Variants in RALGAPA2 observed in about 807,000 individuals in gnomAD.
The protein encoded by RALGAPA2 is ral GTPase-activating protein subunit alpha-2.
Under a neutral mutation model 230.4 loss-of-function variants are expected in RALGAPA2, and 139 were observed. The observed-to-expected ratio is 0.60, with a 90% CI of 0.53 to 0.69. The LOEUF (loss-of-function observed/expected upper bound fraction) is 0.69. RALGAPA2 is among the 30% of genes least tolerant of loss of function. The pLI is 0.00. For missense variants in RALGAPA2, 2,163 were observed against 2,276.0 expected (o/e 0.95, Z 1.01); for synonymous variants, 847 against 837.8 (o/e 1.01, Z -0.19).
intron 30 of RALGAPA2, among the ~76,000 whole-genome samples, chr20:20,521,412 T>A (rs6137053): frequency 0.011 from 1,670 of 152,006 alleles, 24 homozygotes; most frequent in African/African-American, 0.038. Flanking sequence ...GGAACTAATC[T>A]GGGGATGAAG....
chr20:20,404,479 G>A (rs2059907965), intron 38 of RALGAPA2, among the ~76,000 whole-genome samples: 1 of 152,164 alleles, frequency 6.6e-6, no homozygotes, highest in African/African-American at 2.4e-5. Flanking sequence ...CAAAACCACT[G>A]AGTCTTCTAG....
intron 23 of RALGAPA2, among the ~76,000 whole-genome samples, chr20:20,557,653 G>A (rs1325844988): frequency 6.6e-6 from 1 of 152,112 alleles, no homozygotes; most frequent in Non-Finnish European, 1.5e-5. Flanking sequence ...TTGGAATCTA[G>A]GTTAGGCCCC....
In RALGAPA2 at chr20:20,447,762, TC is replaced by T. The variant is rs916599598; in HGVS notation, c.5495+25066del. Among the ~76,000 whole-genome samples, 81 of 152,250 alleles carry T rather than the reference TC, an allele frequency of 5.3e-4. 1 individual carries two copies. Among genetic ancestry groups the T allele is most frequent in the African/African-American group, 1.9e-3 (79 of 41,544 alleles). The stretch of plus-strand genomic sequence containing the variant: ...TTTTTTGTCATCATGAAGCTCTTTT[TC>T]TGGGCACCTGTAGAGAGGATGAGGT... On this transcript the variant is annotated intron_variant, in intron 37 of 39. Transcript: ENST00000202677.
chr20:20,431,531 C>T (rs1488235194), intron 37 of RALGAPA2, among the ~76,000 whole-genome samples: 3 of 152,098 alleles, frequency 2.0e-5, no homozygotes, highest in Non-Finnish European at 4.4e-5. Flanking sequence ...ATGCACCAGG[C>T]TTTATATAAT....
chr20:20,689,047 T>C (rs1393285372), intron 1 of RALGAPA2, among the ~76,000 whole-genome samples: 1 of 152,196 alleles, frequency 6.6e-6, no homozygotes, highest in Non-Finnish European at 1.5e-5. Flanking sequence ...CCAATAGCAT[T>C]CATATTGTTA....
chr20:20,644,552 C>T lies in RALGAPA2; in HGVS notation c.329-1003G>A, dbSNP rs571783880. ...GGCAATCCGAAGGAACCTTTTAGAA[C>T]GATTCTACTGTTCATAACAACTAAC... On this transcript the variant is annotated intron_variant, in intron 4 of 39. Transcript: ENST00000202677. 3.9e-5 allele frequency among the ~76,000 whole-genome samples: 6 copies of T among 152,286 alleles called. No individual in the cohort carries two copies. The East Asian group carries it at 9.6e-4, about 24-fold the overall frequency.
intron 23 of RALGAPA2, among the ~76,000 whole-genome samples, chr20:20,556,868 C>T (rs962575686): frequency 6.6e-6 from 1 of 152,066 alleles, no homozygotes; most frequent in African/African-American, 2.4e-5. Flanking sequence ...TAGGAGGATA[C>T]TAAAATATTT....
rs189522837 is a variant in RALGAPA2, at chr20:20,437,253, G to A, written c.5496-25105C>T. On this transcript the variant is annotated intron_variant, in intron 37 of 39. Coordinates refer to ENST00000202677, the MANE Select transcript of RALGAPA2 (RefSeq NM_020343.4). This position sits in a 1 kb window ranked among gnomAD's most constrained non-coding sequence, Gnocchi z 4.1. ...TCCTGAAGACCGCCTGGTCACTGAG[G>A]CACACATGACTCTGCACCCTCTGAC... Among the ~76,000 whole-genome samples the A allele has an allele frequency of 2.6e-5, 4 of 152,144 alleles. No individual in the cohort carries two copies. The highest frequency in any genetic ancestry group is 9.7e-5 in the African/African-American group (4 of 41,434).
intron 36 of RALGAPA2, among the ~76,000 whole-genome samples, chr20:20,491,343 G>A (rs1602528040): frequency 6.6e-6 from 1 of 152,264 alleles, no homozygotes; most frequent in East Asian, 1.9e-4. Flanking sequence ...GAGGTGAAGA[G>A]GAGGACACTT....
intron 24 of RALGAPA2, among the ~76,000 whole-genome samples, chr20:20,544,203 C>T (rs372042599): frequency 6.6e-5 from 10 of 152,036 alleles, no homozygotes; most frequent in African/African-American, 1.4e-4. Flanking sequence ...AAGAGGATCA[C>T]GAGATCAGGA....
intron 37 of RALGAPA2, among the ~76,000 whole-genome samples, chr20:20,431,580 TTACTC>T (rs2060502578): frequency 1.3e-5 from 2 of 152,148 alleles, no homozygotes. Flanking sequence ...TGGCAATAAA[TTACTC>T]TAAAATTATC....
chr20:20,568,255 A>T (rs1370872313), intron 23 of RALGAPA2, among the ~76,000 whole-genome samples: 1 of 152,208 alleles, frequency 6.6e-6, no homozygotes, highest in East Asian at 1.9e-4. Context: ...GCCATTTCAA[A>T]CCATGTTTTC....
At chr20:20,431,084 G>A (rs1232141455) in intron 37 of RALGAPA2, among the ~76,000 whole-genome samples, 7 of 152,100 alleles carry the variant, frequency 4.6e-5, no homozygotes, top group African/African-American at 1.4e-4. Flanking sequence ...TTTGTGGAGC[G>A]AGTCCCCCTG....
chr20:20,515,152 T>C (rs2062829619), intron 31 of RALGAPA2, among the ~76,000 whole-genome samples: 1 of 152,212 alleles, frequency 6.6e-6, no homozygotes, highest in Non-Finnish European at 1.5e-5. Context: ...GAGCTTCTGC[T>C]GGTAAACAAG....
intron 37 of RALGAPA2, among the ~76,000 whole-genome samples, chr20:20,470,059 A>T (rs2061505113): frequency 6.6e-6 from 1 of 151,992 alleles, no homozygotes; most frequent in African/African-American, 2.4e-5. Context: ...ATTTTTTTTT[A>T]ATCATATAAG....
intron 36 of RALGAPA2, among the ~76,000 whole-genome samples, chr20:20,480,235 A>G (rs1483720492): frequency 6.6e-6 from 1 of 152,208 alleles, no homozygotes. Context: ...AATTGGCTAA[A>G]AAAAGCCAAA....
chr20:20,408,532 G>A (rs2059992340), intron 38 of RALGAPA2, among the ~76,000 whole-genome samples: 1 of 152,178 alleles, frequency 6.6e-6, no homozygotes, highest in African/African-American at 2.4e-5. Context: ...CACTAGACTT[G>A]ATTTTCCAAA....
intron 16 of RALGAPA2, among the ~76,000 whole-genome samples, chr20:20,597,001 G>A (rs1245170754): frequency 1.8e-4 from 27 of 152,156 alleles, no homozygotes; most frequent in Admixed American, 1.8e-3. Context: ...AGTTGGAACT[G>A]TATACGTATA....
intron 23 of RALGAPA2, among the ~76,000 whole-genome samples, chr20:20,560,504 G>A (rs934574680): frequency 6.6e-6 from 1 of 152,122 alleles, no homozygotes; most frequent in South Asian, 2.1e-4. Flanking sequence ...GTATTAAAAA[G>A]AAATCAACAG....
Sources: allele counts gnomAD v4.1 joint callset (sites outside exome capture counted in the v4.1 genomes callset), GRCh38; gene constraint gnomAD v4.1.1; non-coding constraint Gnocchi (gnomAD v3.1); transcripts MANE v1.5; gene names NCBI Gene and HGNC (gene_info 2026-07-23, HGNC 2026-07-21).